EPC1: variants seen among roughly 807,000 people sequenced by gnomAD.
EPC1 encodes the protein enhancer of polycomb 1, also known as enhancer of polycomb homolog 1.
EPC1 carries 12 observed loss-of-function variants against 98.4 expected under a neutral mutation model. That is an observed-to-expected ratio of 0.12 (90% confidence interval 0.08 to 0.20). The LOEUF (loss-of-function observed/expected upper bound fraction) is 0.20. EPC1 is among the 10% of genes least tolerant of loss of function. The probability of loss-of-function intolerance (pLI) is 1.00; values close to 1 mark genes in which losing one functional copy is unlikely to be tolerated. For synonymous variants in EPC1, 357 were observed against 363.9 expected (o/e 0.98, Z 0.21); for missense variants, 729 against 990.5 (o/e 0.74, Z 3.54).
intron 1 of EPC1, among the ~76,000 whole-genome samples, chr10:32,335,533 C>A (rs1837904930): frequency 6.6e-6 from 1 of 152,090 alleles, no homozygotes; most frequent in Non-Finnish European, 1.5e-5. Flanking sequence ...ATGGCATACA[C>A]ACCCACTCTC....
At position 32,292,523 on chromosome 10, in the gene EPC1, T is replaced by G; in HGVS notation, c.788A>C (p.His263Pro). ...CTTTTCCATAATTTCCAGTGTTAAG[T>G]GCAATAGCTCTCTTTTACTTTTTTC... The part of the protein sequence containing the change: ...RREKSKRELL[H>P]LTLEIMEKRY... The change falls in exon 5 of 14, where the codon CAC (histidine) becomes CCC (proline). Residue 263 changes from histidine to proline, a missense_variant. By Grantham distance (77) the His-to-Pro change is moderately conservative. Transcript: ENST00000319778. 6.3e-7 allele frequency: 1 copy of G among 1,595,770 alleles called. No individual in the cohort carries two copies. Among genetic ancestry groups the G allele is most frequent in the Non-Finnish European group, 8.5e-7 (1 of 1,171,182 alleles).
intron 1 of EPC1, among the ~76,000 whole-genome samples, chr10:32,367,634 G>A (rs1353019108): frequency 6.6e-6 from 1 of 152,096 alleles, no homozygotes; most frequent in Non-Finnish European, 1.5e-5. Context: ...ATACAGTATA[G>A]CTGAACAAAT....
At chr10:32,306,641 A>G (rs1342102124) in intron 1 of EPC1, among the ~76,000 whole-genome samples, 1 of 152,170 alleles carries the variant, frequency 6.6e-6, no homozygotes, top group Non-Finnish European at 1.5e-5. Flanking sequence ...AGAAAAAAAG[A>G]ATCTACTGTA....
At position 32,287,140 on chromosome 10, in the gene EPC1, A is replaced by G; in HGVS notation, c.1110T>C (p.Asn370=). 2 of 1,614,180 alleles carry G rather than the reference A, an allele frequency of 1.2e-6. No individual in the cohort carries two copies. Among genetic ancestry groups the G allele is most frequent in the Admixed American group, 1.7e-5 (1 of 60,018 alleles). Residue 370 remains asparagine, a synonymous_variant, in exon 7 of 14, where the codon AAT becomes AAC. Transcript: ENST00000319778. Reference sequence around the variant, plus strand: ...CGTCTGAGCTGGGAAAGTCATACTGATTCAGATCTTTAGCATTGAAGACTG... The same window carrying G: ...CGTCTGAGCTGGGAAAGTCATACTGGTTCAGATCTTTAGCATTGAAGACTG... The part of the protein sequence containing the change: ...ALPVFNAKDL[N]QYDFPSSDEE...
intron 4 of EPC1, 109 bp from the exon 5 acceptor site, chr10:32,292,753 A>G: frequency 8.8e-7 from 1 of 1,139,096 alleles, no homozygotes; most frequent in South Asian, 1.6e-5. Context: ...GAATTTAAAG[A>G]CAATAAAAGG....
intron 1 of EPC1, chr10:32,345,304 T>C: frequency 2.0e-6 from 2 of 985,434 alleles, no homozygotes; most frequent in South Asian, 4.7e-5. Context: ...TAAAGTTAGA[T>C]TTAAGACACT....
intron 6 of EPC1, among the ~76,000 whole-genome samples, chr10:32,290,405 A>T (rs1395408136): frequency 6.8e-6 from 1 of 147,292 alleles, no homozygotes; most frequent in Non-Finnish European, 1.5e-5. Flanking sequence ...AGAATCGCTT[A>T]AACTCGGGAG....
At chr10:32,358,688 G>C (rs946543527) in intron 1 of EPC1, among the ~76,000 whole-genome samples, 1 of 151,056 alleles carries the variant, frequency 6.6e-6, no homozygotes, top group Non-Finnish European at 1.5e-5. Flanking sequence ...AAATTTTCAC[G>C]GTTTAAGGCA....
At chr10:32,287,601 T>C (rs1836756367) in intron 6 of EPC1, among the ~76,000 whole-genome samples, 1 of 152,210 alleles carries the variant, frequency 6.6e-6, no homozygotes, top group South Asian at 2.1e-4. Flanking sequence ...TTCTTAATTT[T>C]CTATGAAAAT....
At chr10:32,317,403 A>C (rs538685251) in intron 1 of EPC1, among the ~76,000 whole-genome samples, 13 of 152,254 alleles carry the variant, frequency 8.5e-5, no homozygotes, top group Admixed American at 5.9e-4. Flanking sequence ...GCACTTTGGG[A>C]TGCTGAGGCA....
chr10:32,360,908 A>AAAG (rs397785953), intron 1 of EPC1, among the ~76,000 whole-genome samples: 7 of 151,134 alleles, frequency 4.6e-5, no homozygotes, highest in South Asian at 2.1e-4. Flanking sequence ...AAAAAAAAAA[A>AAAG]GTATAGACAA....
intron 1 of EPC1, among the ~76,000 whole-genome samples, chr10:32,340,515 C>G (rs117638148): frequency 9.3e-4 from 141 of 152,242 alleles, no homozygotes; most frequent in Admixed American, 3.9e-3. Context: ...TTGAAGGCAA[C>G]AGTTAGCATC....
Position 32,271,658 on chromosome 10 carries a change from A to C in EPC1, c.2265T>G (p.Pro755=), listed in dbSNP as rs1464144573. The C allele has an allele frequency of 1.2e-6, 2 of 1,614,108 alleles. No homozygotes were observed. Among genetic ancestry groups the C allele is most frequent in the Non-Finnish European group, 1.7e-6 (2 of 1,180,046 alleles). Residue 755 remains proline (P), a synonymous_variant, in exon 13 of 14, where the codon CCT becomes CCG. Coordinates refer to ENST00000319778, the MANE Select transcript of EPC1 (RefSeq NM_001272004.3). ...ATGATGGAACAGCACTTAAAGTCCTAGGTATATGTCGTGCATTTATTGGGG... is the reference window on the plus strand; with the variant it reads ...ATGATGGAACAGCACTTAAAGTCCTCGGTATATGTCGTGCATTTATTGGGG... ...SIAPINARHI[P]RTLSAVPSSA... is the part of the protein sequence containing the mutation.
In EPC1 at chr10:32,268,721, T is replaced by A; in HGVS notation, c.*342A>T. ...CACTTCATCTCTATACAATCTCACA[T>A]CTCACACTCTTTGTTGCAATTGATT... On this transcript the variant is annotated 3_prime_UTR_variant, in exon 14 of 14. Coordinates refer to ENST00000319778, the MANE Select transcript of EPC1 (RefSeq NM_001272004.3). 1 of 185,520 alleles carries A rather than the reference T, an allele frequency of 5.4e-6. No homozygotes were observed. The highest frequency in any genetic ancestry group is 1.1e-5 in the Non-Finnish European group (1 of 88,732). 11.5% of individuals were successfully genotyped at this position (185,520 alleles called of 1,614,324 possible).
chr10:32,329,845 A>G (rs1245508356), intron 1 of EPC1, among the ~76,000 whole-genome samples: 1 of 152,224 alleles, frequency 6.6e-6, no homozygotes, highest in Non-Finnish European at 1.5e-5. Flanking sequence ...AGTAATTGCC[A>G]TGAAAGATGA....
At chr10:32,348,935 G>A (rs1229162969), upstream of EPC1, among the ~76,000 whole-genome samples, 1 of 152,212 alleles carries the variant, frequency 6.6e-6, no homozygotes, top group African/African-American at 2.4e-5. Context: ...AATTATGTAG[G>A]ATAAGTGTGG....
intron 1 of EPC1, among the ~76,000 whole-genome samples, chr10:32,373,143 T>C (rs1415239358): frequency 6.6e-6 from 1 of 152,222 alleles, no homozygotes; most frequent in Non-Finnish European, 1.5e-5. Flanking sequence ...GTTCAAACTC[T>C]AGCTTTTTCA....
intron 1 of EPC1, among the ~76,000 whole-genome samples, chr10:32,337,837 C>T (rs1403552339): frequency 6.6e-6 from 1 of 152,172 alleles, no homozygotes; most frequent in East Asian, 1.9e-4. Context: ...CTCACCACTC[C>T]ACCAAAACAT....
In EPC1 at chr10:32,286,743, G is replaced by A. The variant is rs1352691946; in HGVS notation, c.1342C>T (p.Pro448Ser). 1.2e-6 allele frequency: 2 copies of A among 1,614,052 alleles called. No homozygotes were observed. Among genetic ancestry groups the A allele is most frequent in the Non-Finnish European group, 1.7e-6 (2 of 1,180,018 alleles). ...YRYCLTTLTV[P>S]QRCIGFARRR... ...CGTGCAAATCCAATACACCTTTGGG[G>A]TACGGTGAGAGTAGTTAAGCAGTAT... Residue 448 changes from proline (P) to serine (S), a missense_variant, in exon 9 of 14, where the codon CCC becomes TCC. Pro to Ser is a moderately conservative substitution (Grantham distance 74). This residue lies in a region of EPC1 where 390 missense variants were observed against 438.6 expected (regional missense o/e 0.89). Coordinates refer to ENST00000319778, the MANE Select transcript of EPC1 (RefSeq NM_001272004.3).
Sources: gnomAD v4.1 joint callset for allele counts (sites outside exome capture counted in the v4.1 genomes callset) on GRCh38, gnomAD v4.1.1 for gene constraint, gnomAD v4.1.1 regional missense constraint, MANE v1.5 for transcripts, NCBI Gene and HGNC (gene_info 2026-07-23, HGNC 2026-07-21) for gene names.